TFEC: variants seen among roughly 807,000 people sequenced by gnomAD.
TFEC encodes class E basic helix-loop-helix protein 34.
Under a neutral mutation model 41.6 loss-of-function variants are expected in TFEC, and 31 were observed. That is an observed-to-expected ratio of 0.74 (90% CI 0.56 to 1.01). The LOEUF (loss-of-function observed/expected upper bound fraction) is 1.01. Ranked by LOEUF, TFEC falls within the 50% of genes least tolerant of loss-of-function variation. The probability of loss-of-function intolerance (pLI) is 0.00; values close to 1 mark genes in which losing one functional copy is unlikely to be tolerated. For missense variants in TFEC, 402 were observed against 404.1 expected, an observed-to-expected ratio of 0.99 and a Z score of 0.04; for synonymous variants, 143 against 140.6, an observed-to-expected ratio of 1.02 and a Z score of -0.12.
chr7:116,119,640 G>A (rs1798066714), intron 1 of TFEC, among the ~76,000 whole-genome samples: 1 of 151,374 alleles, frequency 6.6e-6, no homozygotes, highest in Non-Finnish European at 1.5e-5. Context: ...TAATATGGGA[G>A]GTAAATGAAG....
chr7:116,132,602 C>T lies in TFEC; in HGVS notation c.-68-20564G>A, dbSNP rs976629498. ...ATAATGACTGACTAGCGGTTTGGTG[C>T]CACGGCCTTCATTCATAAAAAGGCA... On this transcript the variant is annotated intron_variant, in intron 1 of 8. Coordinates refer to the TFEC transcript ENST00000484212. Among the ~76,000 whole-genome samples the T allele has an allele frequency of 1.4e-4, 22 of 152,262 alleles. No individual in the cohort carries two copies. In the East Asian group the frequency reaches 4.0e-3, roughly 28 times the overall value.
rs777307256 is a variant in TFEC at position 115,984,291 on chromosome 7, C to T, written c.151G>A (p.Gly51Arg). The T allele has an allele frequency of 6.2e-7, 1 of 1,614,034 alleles. No individual in the cohort carries two copies. Among genetic ancestry groups the T allele is most frequent in the Admixed American group, 1.7e-5 (1 of 60,002 alleles). ...ENPLTKLLAIGKEDDNAQWHM... is the reference protein window; with the variant it reads ...ENPLTKLLAIRKEDDNAQWHM... ...CATTGTGCATTGTCATCTTCTTTCCCAATAGCTAGTAACTTGGTGAGTGGG... is the reference window on the plus strand; with the variant it reads ...CATTGTGCATTGTCATCTTCTTTCCTAATAGCTAGTAACTTGGTGAGTGGG... The change falls in exon 2 of 8, where the codon GGG becomes AGG. Residue 51 changes from glycine to arginine, a missense_variant. Transcript: ENST00000265440.
At chr7:116,092,458 T>C (rs1303275707) in intron 3 of TFEC, among the ~76,000 whole-genome samples, 9 of 152,026 alleles carry the variant, frequency 5.9e-5, no homozygotes, top group Admixed American at 5.9e-4. Context: ...AAAATAAATA[T>C]GTTACCTGAG....
At chr7:116,150,521 AT>A (rs554877515) in intron 1 of TFEC, among the ~76,000 whole-genome samples, 190 of 152,216 alleles carry the variant, frequency 1.2e-3, no homozygotes, top group African/African-American at 4.5e-3. Flanking sequence ...ATTAAAAAAA[AT>A]AAAATAAAAA....
At chr7:116,034,013 A>G (rs1795849656), upstream of TFEC, among the ~76,000 whole-genome samples, 1 of 152,102 alleles carries the variant, frequency 6.6e-6, no homozygotes, top group Admixed American at 6.6e-5. Context: ...TTGCCAATCA[A>G]ATGGTCAGTT....
At chr7:115,971,784 A>T (rs1261926890) in intron 3 of TFEC, among the ~76,000 whole-genome samples, 2 of 152,080 alleles carry the variant, frequency 1.3e-5, no homozygotes, top group African/African-American at 4.8e-5. Flanking sequence ...CATGGCTGGG[A>T]ATAGGCTATG....
intron 1 of TFEC, among the ~76,000 whole-genome samples, chr7:116,026,304 C>G (rs1423889888): frequency 6.6e-6 from 1 of 152,240 alleles, no homozygotes; most frequent in Non-Finnish European, 1.5e-5. Flanking sequence ...ATAGCTAATT[C>G]ATTTTAAAGA....
chr7:116,153,664 A>G (rs1038109429), intron 1 of TFEC, among the ~76,000 whole-genome samples: 27 of 149,554 alleles, frequency 1.8e-4, no homozygotes, highest in Admixed American at 3.3e-4. Context: ...GACAAAGAGG[A>G]AAAAAAAAAG....
At chr7:116,132,827 T>A (rs1798359503) in intron 1 of TFEC, among the ~76,000 whole-genome samples, 1 of 152,218 alleles carries the variant, frequency 6.6e-6, no homozygotes, top group African/African-American at 2.4e-5. Context: ...AGAAATCTTT[T>A]CCTGAAATGG....
chr7:116,022,082 C>T (rs923168469), intron 1 of TFEC, among the ~76,000 whole-genome samples: 1 of 152,042 alleles, frequency 6.6e-6, no homozygotes, highest in African/African-American at 2.4e-5. Flanking sequence ...ACCCGCGTGC[C>T]CACCTCTTGA....
intron 3 of TFEC, among the ~76,000 whole-genome samples, chr7:116,066,477 CAG>C (rs758306917): frequency 4.3e-4 from 66 of 151,812 alleles, no homozygotes; most frequent in Non-Finnish European, 4.1e-4. Flanking sequence ...TTAAAACTAT[CAG>C]GGGTTATATA....
intron 3 of TFEC, among the ~76,000 whole-genome samples, chr7:115,967,881 T>C (rs1351024611): frequency 1.3e-5 from 2 of 151,826 alleles, no homozygotes; most frequent in South Asian, 4.1e-4. Flanking sequence ...AACAATTAAT[T>C]TAATGTAAAC....
intron 7 of TFEC, chr7:115,941,254 TTAA>T (rs1793482902): frequency 5.0e-6 from 1 of 201,288 alleles, no homozygotes; most frequent in African/African-American, 2.3e-5. Flanking sequence ...TTCTTCCTGA[TTAA>T]TTTCTCACTG....
chr7:116,118,739 C>G (rs547973382), intron 1 of TFEC, among the ~76,000 whole-genome samples: 1 of 151,836 alleles, frequency 6.6e-6, no homozygotes, highest in South Asian at 2.1e-4. Context: ...TGCAAAGATA[C>G]AGTAGGAGAT....
intron 3 of TFEC, among the ~76,000 whole-genome samples, chr7:115,960,852 T>C (rs912588308): frequency 4.0e-5 from 6 of 151,630 alleles, no homozygotes; most frequent in African/African-American, 1.5e-4. Flanking sequence ...GCAGATGATA[T>C]CCATGGGGAA....
intron 3 of TFEC, among the ~76,000 whole-genome samples, chr7:116,079,881 T>C (rs781655913): frequency 6.6e-6 from 1 of 152,018 alleles, no homozygotes; most frequent in Non-Finnish European, 1.5e-5. Flanking sequence ...AAAGCAAGAC[T>C]AAGCAGAAAG....
chr7:115,944,213 A>G (rs1793673176), intron 6 of TFEC, among the ~76,000 whole-genome samples: 1 of 151,070 alleles, frequency 6.6e-6, no homozygotes, highest in Non-Finnish European at 1.5e-5. Context: ...AACAAGAGTA[A>G]TAGAGTAATT....
chr7:116,121,955 A>G (rs75321885), intron 1 of TFEC, among the ~76,000 whole-genome samples: 1,890 of 152,200 alleles, frequency 0.012, 37 homozygotes, highest in African/African-American at 0.043. Flanking sequence ...TCTACTAAAG[A>G]GTGAATTGAC....
intron 1 of TFEC, among the ~76,000 whole-genome samples, chr7:116,122,143 G>C (rs533363009): frequency 1.4e-4 from 22 of 152,040 alleles, no homozygotes; most frequent in Middle Eastern, 6.8e-3. Context: ...AGGAAACTTG[G>C]CATTAAAAAA....
Sources: allele counts gnomAD v4.1 joint callset (sites outside exome capture counted in the v4.1 genomes callset), GRCh38; gene constraint gnomAD v4.1.1; transcripts MANE v1.5; gene names NCBI Gene and HGNC (gene_info 2026-07-23, HGNC 2026-07-21).